Variants in FAS observed in about 807,000 individuals in gnomAD.
The protein encoded by FAS is Fas cell surface death receptor, also known as tumor necrosis factor receptor superfamily member 6.
A neutral mutation model predicts 33.2 loss-of-function variants in FAS; 5 were observed. The ratio of observed to expected loss-of-function variants is 0.15; its 90% CI spans 0.08 to 0.32. The LOEUF (loss-of-function observed/expected upper bound fraction) is 0.32, where lower values mean the gene tolerates loss of function less well. FAS is among the 10% of genes least tolerant of loss of function. The pLI is 1.00. For synonymous variants in FAS, 131 were observed against 130.7 expected (o/e 1.00, Z -0.01); for missense variants, 339 against 386.0 (o/e 0.88, Z 1.02).
At position 89,016,147 on chromosome 10, in the gene FAS, C is replaced by G; in HGVS notation, c.*1697C>G. ...TAGCTACATGCTGGCCAGTGGGCCA[C>G]CTTTCTTTTCTGCAATTTAATGCTA... On this transcript the variant is annotated 3_prime_UTR_variant, in exon 9 of 9. Transcript: ENST00000652046. The G allele has an allele frequency of 4.5e-6, 1 of 220,142 alleles. No individual in the cohort carries two copies. Among genetic ancestry groups the G allele is most frequent in the Non-Finnish European group, 9.1e-6 (1 of 109,846 alleles). The allele number at this position is 220,142 out of a possible 1,614,324, so 13.6% of individuals were successfully genotyped here. A position where few individuals can be genotyped will look rare whatever the true frequency, so the allele number is the denominator to read the frequency against.
intron 2 of FAS, among the ~76,000 whole-genome samples, chr10:88,978,889 C>CTAT (rs968103940): frequency 2.2e-4 from 33 of 151,468 alleles, no homozygotes; most frequent in African/African-American, 7.7e-4. Flanking sequence ...GATCTCTTCT[C>CTAT]TATTATTATT....
At chr10:88,965,731 G>T (rs1447642325) in intron 1 of FAS, among the ~76,000 whole-genome samples, 1 of 152,096 alleles carries the variant, frequency 6.6e-6, no homozygotes, top group Non-Finnish European at 1.5e-5. Flanking sequence ...ATTTTCCCAG[G>T]GATTGCTGAG....
chr10:89,015,863 C>T lies in FAS; in HGVS notation c.*1413C>T, dbSNP rs909581550. ...TTTCTCTAACTGATGCTAAATATAA[C>T]TTGTCTTTAATGCTTCTTGGATCCC... On this transcript the variant is annotated 3_prime_UTR_variant, in exon 9 of 9. Transcript: ENST00000652046. 1.0e-5 allele frequency: 4 copies of T among 398,822 alleles called. No individual in the cohort carries two copies. The highest frequency in any genetic ancestry group is 2.0e-5 in the African/African-American group (1 of 49,714). The allele number at this position is 398,822 out of a possible 1,614,324, so 24.7% of individuals were successfully genotyped here.
Position 89,014,490 on chromosome 10 carries a change from A to G in FAS, c.*40A>G. 1 of 1,573,220 alleles carries G rather than the reference A, an allele frequency of 6.4e-7. No homozygotes were observed. Among genetic ancestry groups the G allele is most frequent in the Non-Finnish European group, 8.7e-7 (1 of 1,155,832 alleles). ...AATTCAGTTCTGAGTATATGCAATT[A>G]GTGTTTGAAAAGATTCTTAATAGCT... On this transcript the variant is annotated 3_prime_UTR_variant, in exon 9 of 9. Coordinates refer to ENST00000652046, the MANE Select transcript of FAS (RefSeq NM_000043.6).
chr10:89,004,184 T>A (rs1378445981), intron 2 of FAS, among the ~76,000 whole-genome samples: 1 of 152,230 alleles, frequency 6.6e-6, no homozygotes, highest in Non-Finnish European at 1.5e-5. Flanking sequence ...AAACCTAAAA[T>A]GTAAATTAAA....
chr10:89,015,034 G>T lies in FAS; in HGVS notation c.*584G>T, dbSNP rs1041447782. ...TCAAAGACCTTTGCACAGTTTATTG[G>T]TGTCATATTATACAATATTTCAATT... On this transcript the variant is annotated 3_prime_UTR_variant, in exon 9 of 9. Transcript: ENST00000652046. 2 of 533,716 alleles carry T rather than the reference G, an allele frequency of 3.7e-6. No individual in the cohort carries two copies. Among genetic ancestry groups the T allele is most frequent in the East Asian group, 3.9e-5 (1 of 25,650 alleles). The allele number at this position is 533,716 out of a possible 1,614,324, so 33.1% of individuals were successfully genotyped here. A position where few individuals can be genotyped will look rare whatever the true frequency, so the allele number is the denominator to read the frequency against.
chr10:89,005,221 G>GAAA (rs1848158544), intron 2 of FAS, among the ~76,000 whole-genome samples: 1 of 151,574 alleles, frequency 6.6e-6, no homozygotes, highest in South Asian at 2.1e-4. Flanking sequence ...AGAAAGAAAT[G>GAAA]AAAAAGGAAG....
chr10:88,998,957 C>G (rs1352059227), intron 1 of FAS, among the ~76,000 whole-genome samples: 1 of 151,790 alleles, frequency 6.6e-6, no homozygotes, highest in Non-Finnish European at 1.5e-5. Context: ...AGATTGAGAC[C>G]ATCTGGCCAA....
chr10:89,002,297 G>A (rs1847972134), intron 1 of FAS, among the ~76,000 whole-genome samples: 1 of 152,144 alleles, frequency 6.6e-6, no homozygotes, highest in Non-Finnish European at 1.5e-5. Flanking sequence ...GTGAATTATT[G>A]GACAAATCAT....
chr10:89,009,954 C>G (rs530085178), intron 4 of FAS, among the ~76,000 whole-genome samples: 6 of 152,278 alleles, frequency 3.9e-5, no homozygotes, highest in Non-Finnish European at 8.8e-5. Context: ...ACTTCCCAAG[C>G]TCACCTAGTC....
chr10:89,002,879 T>C (rs530108647), intron 1 of FAS, 150 bp from the exon 2 acceptor site: 1 of 816,114 alleles, frequency 1.2e-6, no homozygotes, highest in South Asian at 1.5e-5. Context: ...TGCTGCTTTC[T>C]TGGAGAGAGA....
chr10:89,012,148 T>C (rs1307085322), intron 7 of FAS, 67 bp downstream of exon 7: 5 of 1,320,368 alleles, frequency 3.8e-6, no homozygotes, highest in Non-Finnish European at 5.5e-6. Flanking sequence ...ATTTGGCTTT[T>C]TGTTACTTCC....
At chr10:88,999,182 T>A (rs28701856) in intron 1 of FAS, among the ~76,000 whole-genome samples, 7 of 103,344 alleles carry the variant, frequency 6.8e-5, no homozygotes, top group South Asian at 3.3e-4. Context: ...TAAAATAAAA[T>A]AAAATAAAAT....
intron 2 of FAS, among the ~76,000 whole-genome samples, chr10:89,004,988 C>A (rs535746743): frequency 7.9e-5 from 12 of 152,158 alleles, no homozygotes; most frequent in South Asian, 4.1e-4. Flanking sequence ...AGAGAAAAGA[C>A]AGATTTTATT....
At chr10:89,007,989 G>T in intron 3 of FAS, 152 bp downstream of exon 3, 1 of 1,189,014 alleles carries the variant, frequency 8.4e-7, no homozygotes, top group Non-Finnish European at 1.2e-6. Flanking sequence ...AGAACCAGGT[G>T]CCGAGCTAAC....
intron 1 of FAS, among the ~76,000 whole-genome samples, chr10:88,997,674 G>C (rs1168525924): frequency 6.6e-6 from 1 of 152,140 alleles, no homozygotes; most frequent in Non-Finnish European, 1.5e-5. Context: ...AGATATATTA[G>C]AGATGCATTA....
chr10:89,012,187 A>G, intron 7 of FAS, 106 bp downstream of exon 7: 1 of 1,008,972 alleles, frequency 9.9e-7, no homozygotes, highest in Non-Finnish European at 1.5e-6. Flanking sequence ...TGTTTGTTTC[A>G]TTTTGTTTGA....
upstream of FAS, among the ~76,000 whole-genome samples, chr10:88,984,360 C>A (rs551075067): frequency 3.7e-4 from 56 of 152,256 alleles, no homozygotes; most frequent in Non-Finnish European, 5.9e-4. Flanking sequence ...CCCATACTAC[C>A]TTTCTGCCTG....
At chr10:88,974,203 T>C (rs1196546587) in intron 2 of FAS, 4 of 151,790 alleles carry the variant, frequency 2.6e-5, no homozygotes, top group Admixed American at 6.6e-5. Flanking sequence ...CCCAGAAATA[T>C]ACCCTGACTA....
Sources: allele counts gnomAD v4.1 joint callset (sites outside exome capture counted in the v4.1 genomes callset), GRCh38; gene constraint gnomAD v4.1.1; transcripts MANE v1.5; gene names NCBI Gene and HGNC (gene_info 2026-07-23, HGNC 2026-07-21).